ESRRG: variants seen among roughly 807,000 people sequenced by gnomAD.
The protein encoded by ESRRG is estrogen related receptor gamma.
In ESRRG, 13 loss-of-function variants were observed where a neutral mutation model predicts 44.0. The ratio of observed to expected loss-of-function variants is 0.30; its 90% CI spans 0.19 to 0.47. ESRRG has a LOEUF of 0.47. Ranked by LOEUF, ESRRG falls within the 20% of genes least tolerant of loss-of-function variation. The probability of loss-of-function intolerance (pLI) is 1.00; values close to 1 mark genes in which losing one functional copy is unlikely to be tolerated. For missense variants in ESRRG, 395 were observed against 580.6 expected, an observed-to-expected ratio of 0.68 and a Z score of 3.29; for synonymous variants, 215 against 214.6, an observed-to-expected ratio of 1.00 and a Z score of -0.02.
chr1:216,862,882 G>A, intron 2 of ESRRG: 1 of 152,096 alleles, frequency 6.6e-6, no homozygotes, highest in East Asian at 1.9e-4. Context: ...ATTATATACT[G>A]TAATGTGCAG....
At chr1:216,511,263 G>C (rs2042634369) in intron 6 of ESRRG, among the ~76,000 whole-genome samples, 1 of 152,062 alleles carries the variant, frequency 6.6e-6, no homozygotes, top group Admixed American at 6.5e-5. Context: ...TTTTCTAAAA[G>C]ATACTTTGTA....
chr1:216,527,286 C>A (rs1308697410), intron 5 of ESRRG, among the ~76,000 whole-genome samples: 2 of 152,134 alleles, frequency 1.3e-5, no homozygotes, highest in Non-Finnish European at 2.9e-5. Flanking sequence ...GTTAGGCCTT[C>A]ATCATCCTTT....
intron 2 of ESRRG, among the ~76,000 whole-genome samples, chr1:216,880,612 G>A (rs2096431352): frequency 6.6e-6 from 1 of 151,932 alleles, no homozygotes; most frequent in Non-Finnish European, 1.5e-5. Flanking sequence ...ACTTTAATCA[G>A]GTAAATGTTC....
chr1:216,765,890 T>C (rs539148590), intron 2 of ESRRG, among the ~76,000 whole-genome samples: 1 of 152,282 alleles, frequency 6.6e-6, no homozygotes, highest in Admixed American at 6.5e-5. Context: ...GACAGCTTTA[T>C]TGTTACTCAC....
At chr1:216,671,556 T>C (rs2151406559) in intron 2 of ESRRG, among the ~76,000 whole-genome samples, 1 of 152,332 alleles carries the variant, frequency 6.6e-6, no homozygotes, top group Non-Finnish European at 1.5e-5. Context: ...TTACTATGGG[T>C]CAAGTACTTC....
chr1:216,687,824 C>T (rs1235629329), intron 1 of ESRRG, among the ~76,000 whole-genome samples: 1 of 152,150 alleles, frequency 6.6e-6, no homozygotes, highest in Non-Finnish European at 1.5e-5. Flanking sequence ...TGTTGTCATT[C>T]ACCTTTTTGT....
chr1:216,721,722 C>T lies in ESRRG; in HGVS notation c.56+1522G>A, dbSNP rs111931382. ...TACAAGAGAAAGTTCAGAATCTGGG[C>T]GTGCTTGGATAAGACATTCTTCCTG... is the stretch of plus-strand genomic sequence containing the variant. On this transcript the variant is annotated intron_variant, in intron 1 of 6. Transcript: ENST00000408911. 3.9e-4 allele frequency among the ~76,000 whole-genome samples: 60 copies of T among 152,298 alleles called. 1 individual carries two copies. Among genetic ancestry groups the T allele is most frequent in the Middle Eastern group, 3.4e-3 (1 of 294 alleles).
chr1:216,748,819 C>T (rs1223782556), intron 2 of ESRRG, among the ~76,000 whole-genome samples: 1 of 152,074 alleles, frequency 6.6e-6, no homozygotes, highest in Non-Finnish European at 1.5e-5. Flanking sequence ...GTGGTTGTCT[C>T]CATCTAGAAA....
chr1:216,718,195 C>A (rs905999340), intron 1 of ESRRG, among the ~76,000 whole-genome samples: 1 of 151,792 alleles, frequency 6.6e-6, no homozygotes, highest in Non-Finnish European at 1.5e-5. Flanking sequence ...TCATGCCTGG[C>A]AAATTTAACT....
chr1:216,931,049 ATTATTCTAGTGTGGCTGATG>A (rs1560155882), intron 2 of ESRRG, among the ~76,000 whole-genome samples: 4 of 152,206 alleles, frequency 2.6e-5, no homozygotes, highest in African/African-American at 9.6e-5. Context: ...GTTAAGCGAT[ATTATTCTAGTGTGGCTGATG>A]TGGGACTTGG....
At chr1:216,521,423 GT>G (rs1272509008) in intron 5 of ESRRG, among the ~76,000 whole-genome samples, 1 of 151,350 alleles carries the variant, frequency 6.6e-6, no homozygotes, top group Non-Finnish European at 1.5e-5. Context: ...AACATACTAA[GT>G]AAGAATTTCT....
At chr1:216,886,041 AG>A (rs1252492917) in intron 2 of ESRRG, among the ~76,000 whole-genome samples, 1 of 152,036 alleles carries the variant, frequency 6.6e-6, no homozygotes, top group Non-Finnish European at 1.5e-5. Flanking sequence ...GGGTTTCTGA[AG>A]ATACTTTCCT....
intron 2 of ESRRG, among the ~76,000 whole-genome samples, chr1:216,838,142 T>C (rs1441007308): frequency 5.9e-5 from 9 of 152,162 alleles, no homozygotes; most frequent in Non-Finnish European, 1.2e-4. Context: ...TGAAACACCT[T>C]TCTCTTACCT....
intron 1 of ESRRG, among the ~76,000 whole-genome samples, chr1:216,998,518 C>CT (rs917422308): frequency 1.3e-5 from 2 of 152,094 alleles, no homozygotes; most frequent in African/African-American, 4.8e-5. Flanking sequence ...GACATTACTT[C>CT]TTTTTTGCAA....
At chr1:216,602,750 C>G (rs184433318) in intron 3 of ESRRG, among the ~76,000 whole-genome samples, 21 of 152,308 alleles carry the variant, frequency 1.4e-4, no homozygotes, top group African/African-American at 5.1e-4. Flanking sequence ...AGCCAAGCAA[C>G]ATCTTCACAG....
intron 2 of ESRRG, among the ~76,000 whole-genome samples, chr1:216,793,588 G>A (rs2094388527): frequency 6.6e-6 from 1 of 152,126 alleles, no homozygotes; most frequent in African/African-American, 2.4e-5. Context: ...AACACCTTGA[G>A]TGCAACCTCA....
chr1:216,810,534 G>A (rs946650915), intron 2 of ESRRG, among the ~76,000 whole-genome samples: 2 of 149,608 alleles, frequency 1.3e-5, no homozygotes, highest in African/African-American at 4.9e-5. Flanking sequence ...TATACAGAAT[G>A]TGGTGGTCAA....
chr1:216,937,887 T>A (rs1021827314), intron 2 of ESRRG, among the ~76,000 whole-genome samples: 1 of 150,270 alleles, frequency 6.7e-6, no homozygotes, highest in African/African-American at 2.5e-5. Flanking sequence ...TAGATTTACC[T>A]TTTCCAAACT....
Position 216,673,135 on chromosome 1 carries a change from C to T in ESRRG, c.472+3941G>A, listed in dbSNP as rs149476361. ...CTACGATCTGTTAAGGGTGGTTTGG[C>T]TGCAATGCTGTCTGAAGGCATGAGA... On this transcript the variant is annotated intron_variant, in intron 2 of 6. Coordinates refer to ENST00000408911, the MANE Select transcript of ESRRG (RefSeq NM_001438.4). 3.4e-3 allele frequency among the ~76,000 whole-genome samples: 517 copies of T among 152,170 alleles called. 7 individuals carry two copies. The highest frequency in any genetic ancestry group is 0.012 in the African/African-American group (496 of 41,512).
Sources: gnomAD v4.1 joint callset for allele counts (sites outside exome capture counted in the v4.1 genomes callset) on GRCh38, gnomAD v4.1.1 for gene constraint, MANE v1.5 for transcripts, NCBI Gene and HGNC (gene_info 2026-07-23, HGNC 2026-07-21) for gene names.